FAM174A: variants seen among roughly 807,000 people sequenced by gnomAD.
The protein encoded by FAM174A is family with sequence similarity 174 member A, also known as membrane protein FAM174A.
In FAM174A, 14 loss-of-function variants were observed where a neutral mutation model predicts 14.3. The observed-to-expected ratio is 0.98, with a 90% CI of 0.65 to 1.53. FAM174A has a LOEUF of 1.53. Ranked by LOEUF, FAM174A falls within the 40% of genes most tolerant of loss-of-function variation. The pLI is 0.00. For missense variants in FAM174A, 241 were observed against 249.6 expected (o/e 0.97, Z 0.23); for synonymous variants, 108 against 111.4 (o/e 0.97, Z 0.19).
chr5:100,569,270 T>C (rs1746726082), intron 2 of FAM174A, among the ~76,000 whole-genome samples: 1 of 151,920 alleles, frequency 6.6e-6, no homozygotes, highest in South Asian at 2.1e-4. Flanking sequence ...AGTCATGCCA[T>C]ATATGTATGT....
chr5:100,551,536 C>A (rs1419372323), intron 1 of FAM174A, among the ~76,000 whole-genome samples: 1 of 152,138 alleles, frequency 6.6e-6, no homozygotes, highest in Non-Finnish European at 1.5e-5. Flanking sequence ...TCTCTATTAC[C>A]CTTTGTAAGA....
intron 1 of FAM174A, among the ~76,000 whole-genome samples, chr5:100,549,399 T>C (rs1436678172): frequency 6.6e-6 from 1 of 152,154 alleles, no homozygotes; most frequent in African/African-American, 2.4e-5. Context: ...TTACATACTT[T>C]CATATGGAAT....
intron 1 of FAM174A, among the ~76,000 whole-genome samples, chr5:100,543,489 A>T (rs1346591824): frequency 1.3e-5 from 2 of 152,356 alleles, no homozygotes; most frequent in Middle Eastern, 3.4e-3. Context: ...ACAATGCAGA[A>T]TATGTCCATC....
chr5:100,540,964 G>T (rs1280131681), intron 1 of FAM174A, among the ~76,000 whole-genome samples: 1 of 152,194 alleles, frequency 6.6e-6, no homozygotes, highest in Non-Finnish European at 1.5e-5. Context: ...GTGATCTCAA[G>T]AGCTGAGGAG....
chr5:100,559,339 A>G (rs1002043274), intron 1 of FAM174A, among the ~76,000 whole-genome samples: 5 of 152,142 alleles, frequency 3.3e-5, no homozygotes, highest in Non-Finnish European at 7.4e-5. Context: ...CTTTGTGGGT[A>G]ACCCGACCGT....
chr5:100,538,670 C>A (rs184772407), intron 1 of FAM174A, among the ~76,000 whole-genome samples: 4 of 152,194 alleles, frequency 2.6e-5, no homozygotes, highest in Non-Finnish European at 4.4e-5. Context: ...ATATGATGGG[C>A]ACTGAATAAG....
At chr5:100,579,517 C>T (rs1450952369) in intron 2 of FAM174A, among the ~76,000 whole-genome samples, 2 of 151,970 alleles carry the variant, frequency 1.3e-5, no homozygotes, top group Non-Finnish European at 1.5e-5. Flanking sequence ...CTCCCGCTTC[C>T]AGGTTCAAGC....
At chr5:100,557,651 C>G (rs958094041) in intron 1 of FAM174A, among the ~76,000 whole-genome samples, 1 of 152,118 alleles carries the variant, frequency 6.6e-6, no homozygotes, top group African/African-American at 2.4e-5. Context: ...CAACTTCTTC[C>G]TGGTTTAGTC....
At chr5:100,577,396 T>G (rs1404524358) in intron 2 of FAM174A, among the ~76,000 whole-genome samples, 2 of 152,150 alleles carry the variant, frequency 1.3e-5, no homozygotes, top group South Asian at 4.1e-4. Flanking sequence ...TTTTGGCTAC[T>G]GCTGTTATGC....
chr5:100,544,527 A>C (rs561840070), intron 1 of FAM174A, among the ~76,000 whole-genome samples: 2 of 152,310 alleles, frequency 1.3e-5, no homozygotes, highest in South Asian at 4.1e-4. Flanking sequence ...AATGTATGTG[A>C]AATCAAAACA....
At chr5:100,582,232 T>C (rs914874243) in intron 2 of FAM174A, among the ~76,000 whole-genome samples, 2 of 147,704 alleles carry the variant, frequency 1.4e-5, no homozygotes, top group African/African-American at 5.3e-5. Context: ...GTGTTACATG[T>C]TTTTTTTTAA....
At chr5:100,536,017 G>T in intron 1 of FAM174A, 53 bp downstream of exon 1, 1 of 1,471,816 alleles carries the variant, frequency 6.8e-7, no homozygotes, top group Non-Finnish European at 9.1e-7. Context: ...ACGCAGGCCG[G>T]TGATCTCCAG....
chr5:100,584,934 A>G (rs1007907281), intron 2 of FAM174A, among the ~76,000 whole-genome samples: 3 of 152,060 alleles, frequency 2.0e-5, no homozygotes, highest in Non-Finnish European at 4.4e-5. Context: ...CAATTCCATC[A>G]TCAATAGTGG....
chr5:100,556,303 C>G lies in FAM174A; in HGVS notation c.435-5751C>G, dbSNP rs573748654. Among the ~76,000 whole-genome samples, 1,169 of 152,168 alleles carry G rather than the reference C, an allele frequency of 7.7e-3. 13 individuals are homozygous for G. The highest frequency in any genetic ancestry group is 0.027 in the African/African-American group (1,124 of 41,536). On this transcript the variant is annotated intron_variant, in intron 1 of 2. Coordinates refer to ENST00000312637, the MANE Select transcript of FAM174A (RefSeq NM_198507.3). ...TCTGTTCTGTTCCATTGGTCTATAT[C>G]TCTGTTTTGGTATCAGTACCATGCT...
At chr5:100,555,517 A>G (rs930902751) in intron 1 of FAM174A, among the ~76,000 whole-genome samples, 4 of 152,044 alleles carry the variant, frequency 2.6e-5, no homozygotes, top group African/African-American at 9.7e-5. Flanking sequence ...GACTTCCACA[A>G]CGGTTGAACT....
intron 1 of FAM174A, among the ~76,000 whole-genome samples, chr5:100,547,933 G>A (rs1434843479): frequency 1.3e-5 from 2 of 151,812 alleles, no homozygotes; most frequent in Admixed American, 1.3e-4. Flanking sequence ...TTCCACTCTT[G>A]CCTTTCTATA....
intron 1 of FAM174A, among the ~76,000 whole-genome samples, chr5:100,556,508 A>G (rs1398960205): frequency 1.3e-5 from 2 of 152,184 alleles, no homozygotes; most frequent in Non-Finnish European, 2.9e-5. Flanking sequence ...TGGGGATGGC[A>G]TTGAATCTAT....
intron 2 of FAM174A, among the ~76,000 whole-genome samples, chr5:100,575,993 C>G (rs1014532635): frequency 6.6e-6 from 1 of 152,054 alleles, no homozygotes; most frequent in Non-Finnish European, 1.5e-5. Flanking sequence ...AAATTCTATC[C>G]ACAGAATAAC....
At chr5:100,580,843 A>G (rs1746997030) in intron 2 of FAM174A, among the ~76,000 whole-genome samples, 1 of 152,116 alleles carries the variant, frequency 6.6e-6, no homozygotes, top group African/African-American at 2.4e-5. Flanking sequence ...TTCTTGCCAA[A>G]AGAGCGTCCT....
Sources: gnomAD v4.1 joint callset for allele counts (sites outside exome capture counted in the v4.1 genomes callset) on GRCh38, gnomAD v4.1.1 for gene constraint, MANE v1.5 for transcripts, NCBI Gene and HGNC (gene_info 2026-07-23, HGNC 2026-07-21) for gene names.